Variants in NHLRC2 observed in about 807,000 individuals in gnomAD.
The protein encoded by NHLRC2 is NHL repeat-containing protein 2.
In NHLRC2, 33 loss-of-function variants were observed where a neutral mutation model predicts 68.1. The observed-to-expected ratio is 0.48, with a 90% CI of 0.37 to 0.65. The LOEUF (loss-of-function observed/expected upper bound fraction) is 0.65. Ranked by LOEUF, NHLRC2 falls within the 30% of genes least tolerant of loss-of-function variation. The pLI is 0.00. For synonymous variants in NHLRC2, 311 were observed against 309.6 expected (o/e 1.00, Z -0.05); for missense variants, 761 against 853.8 (o/e 0.89, Z 1.35).
At chr10:113,862,319 T>G (rs897830587) in intron 2 of NHLRC2, among the ~76,000 whole-genome samples, 1 of 152,144 alleles carries the variant, frequency 6.6e-6, no homozygotes, top group Admixed American at 6.5e-5. Flanking sequence ...AGCAGAGTTT[T>G]TGTGTGTTAT....
chr10:113,876,206 T>A (rs1171029468), intron 2 of NHLRC2, among the ~76,000 whole-genome samples: 1 of 151,698 alleles, frequency 6.6e-6, no homozygotes, highest in Non-Finnish European at 1.5e-5. Context: ...TGGAAAAAAT[T>A]TCAACATTTA....
At chr10:113,888,293 A>T (rs953505386) in intron 5 of NHLRC2, among the ~76,000 whole-genome samples, 3 of 152,200 alleles carry the variant, frequency 2.0e-5, no homozygotes, top group Non-Finnish European at 4.4e-5. Flanking sequence ...CACAGCTGCT[A>T]AAAGAATAAA....
At chr10:113,873,151 C>T (rs1048074842) in intron 2 of NHLRC2, among the ~76,000 whole-genome samples, 3 of 152,124 alleles carry the variant, frequency 2.0e-5, no homozygotes, top group Admixed American at 2.0e-4. Context: ...TGAGTGTAAA[C>T]CATAAACCAA....
rs878878256 is a variant in NHLRC2, at chr10:113,908,659, C to T, written c.*123C>T. On this transcript the variant is annotated 3_prime_UTR_variant, in exon 11 of 11. Transcript: ENST00000369301. ...ATACCAAGATGCCCATTGCTCAGTT[C>T]AGACAACTGATATTAAAATAAAGCT... 3.8e-5 allele frequency: 30 copies of T among 794,520 alleles called. 1 individual carries two copies. In the South Asian group the frequency reaches 4.1e-4, roughly 11 times the overall value. The allele number at this position is 794,520 out of a possible 1,614,324, so 49.2% of individuals were successfully genotyped here.
In NHLRC2 at chr10:113,915,590, T is replaced by C. The variant is rs1447649558; in HGVS notation, c.*7054T>C. 6 of 241,822 alleles carry C rather than the reference T, an allele frequency of 2.5e-5. No homozygotes were observed. The highest frequency in any genetic ancestry group is 4.9e-5 in the Non-Finnish European group (6 of 123,140). The allele number at this position is 241,822 out of a possible 1,614,324, so 15.0% of individuals were successfully genotyped here. On this transcript the variant is annotated 3_prime_UTR_variant, in exon 11 of 11. Coordinates refer to ENST00000369301, the MANE Select transcript of NHLRC2 (RefSeq NM_198514.4). ...ATGCTGAGAAGTAGACAAAATCAGCTCTCAGACTTAACTCTCCCCAATTAA... is the reference window on the plus strand; with the variant it reads ...ATGCTGAGAAGTAGACAAAATCAGCCCTCAGACTTAACTCTCCCCAATTAA...
intron 6 of NHLRC2, among the ~76,000 whole-genome samples, chr10:113,898,702 A>T (rs969610006): frequency 6.6e-6 from 1 of 152,170 alleles, no homozygotes; most frequent in African/African-American, 2.4e-5. Flanking sequence ...CATTCATTCA[A>T]ACAGTTGAAT....
At position 113,911,780 on chromosome 10, in the gene NHLRC2, G is replaced by T. The variant is rs61865203; in HGVS notation, c.*3244G>T. On this transcript the variant is annotated 3_prime_UTR_variant, in exon 11 of 11. Coordinates refer to ENST00000369301, the MANE Select transcript of NHLRC2 (RefSeq NM_198514.4). ...CATCAAAATCTACTTAAATTCTATA[G>T]TTAACAGTTACATAAGAATATATGC... 100 of 152,172 alleles carry T rather than the reference G, an allele frequency of 6.6e-4. No homozygotes were observed. Among genetic ancestry groups the T allele is most frequent in the Non-Finnish European group, 1.3e-3 (88 of 67,964 alleles). The allele number at this position is 152,172 out of a possible 1,614,324, so 9.4% of individuals were successfully genotyped here. A position where few individuals can be genotyped will look rare whatever the true frequency, so the allele number is the denominator to read the frequency against.
chr10:113,855,115 T>A, intron 1 of NHLRC2, 65 bp downstream of exon 1: 1 of 1,399,124 alleles, frequency 7.1e-7, no homozygotes, highest in Non-Finnish European at 9.9e-7. Context: ...GACGGCGCCC[T>A]CCCGCGAAGC....
intron 8 of NHLRC2, 144 bp downstream of exon 8, chr10:113,902,737 G>C: frequency 2.8e-6 from 2 of 705,356 alleles, no homozygotes; most frequent in Non-Finnish European, 4.8e-6. Context: ...AGCCTGTTCT[G>C]CTCTTTTCTT....
intron 2 of NHLRC2, among the ~76,000 whole-genome samples, chr10:113,870,697 G>A (rs920457211): frequency 6.6e-6 from 1 of 152,150 alleles, no homozygotes; most frequent in Non-Finnish European, 1.5e-5. Flanking sequence ...ATGTAGTTTC[G>A]TTAGGTATTG....
rs1257850375 is a variant in NHLRC2, at chr10:113,911,691, TATTA to T, written c.*3159_*3162del. On this transcript the variant is annotated 3_prime_UTR_variant, in exon 11 of 11. Coordinates refer to ENST00000369301, the MANE Select transcript of NHLRC2 (RefSeq NM_198514.4). ...AGTTTTCTGCCTGCACAAAGTTTAC[TATTA>T]ATTTATGTCTACCAGTTAAAAATAC... 5 of 152,198 alleles carry T rather than the reference TATTA, an allele frequency of 3.3e-5. No homozygotes were observed. The highest frequency in any genetic ancestry group is 4.8e-5 in the African/African-American group (2 of 41,478). 9.4% of individuals were successfully genotyped at this position (152,198 alleles called of 1,614,324 possible). A position where few individuals can be genotyped will look rare whatever the true frequency, so the allele number is the denominator to read the frequency against.
chr10:113,892,009 G>T (rs139123947), intron 5 of NHLRC2, among the ~76,000 whole-genome samples: 9 of 152,222 alleles, frequency 5.9e-5, no homozygotes, highest in African/African-American at 2.2e-4. Context: ...AGCTGTAAAT[G>T]GTATTTTCCT....
At chr10:113,887,393 C>A (rs775311475) in intron 5 of NHLRC2, among the ~76,000 whole-genome samples, 2 of 152,130 alleles carry the variant, frequency 1.3e-5, no homozygotes, top group Non-Finnish European at 2.9e-5. Context: ...ATTTGCACTC[C>A]CATATTTATT....
At chr10:113,885,310 A>G (rs558862827) in intron 5 of NHLRC2, among the ~76,000 whole-genome samples, 2 of 152,072 alleles carry the variant, frequency 1.3e-5, no homozygotes, top group Admixed American at 1.3e-4. Context: ...TATTTTGTGT[A>G]GGTTATTTTT....
chr10:113,863,033 G>A (rs958592707), intron 2 of NHLRC2, among the ~76,000 whole-genome samples: 2 of 152,034 alleles, frequency 1.3e-5, no homozygotes, highest in Non-Finnish European at 2.9e-5. Context: ...ATTATAAACA[G>A]GCACTTAATA....
Position 113,886,645 on chromosome 10 carries a change from G to T in NHLRC2, c.1039+2265G>T, listed in dbSNP as rs368182165. Among the ~76,000 whole-genome samples the T allele has an allele frequency of 2.2e-4, 34 of 152,250 alleles. No individual in the cohort carries two copies. The East Asian group carries it at 4.6e-3, about 21-fold the overall frequency. On this transcript the variant is annotated intron_variant, in intron 5 of 10. Coordinates refer to ENST00000369301, the MANE Select transcript of NHLRC2 (RefSeq NM_198514.4). ...ACACACAATGAGGAAAGGACAATTCGTTCCATAAATGGTGTTGGGAAAACT... is the reference window on the plus strand; with the variant it reads ...ACACACAATGAGGAAAGGACAATTCTTTCCATAAATGGTGTTGGGAAAACT...
chr10:113,884,124 T>G, intron 4 of NHLRC2, 127 bp from the exon 5 acceptor site: 1 of 709,280 alleles, frequency 1.4e-6, no homozygotes, highest in East Asian at 2.9e-5. Flanking sequence ...TGGCCTTTTT[T>G]CATAATAAAA....
At chr10:113,879,471 AT>A (rs1321057758) in intron 3 of NHLRC2, 102 bp from the exon 4 acceptor site, 5 of 1,058,702 alleles carry the variant, frequency 4.7e-6, no homozygotes, top group Non-Finnish European at 5.5e-6. Context: ...TGGACATACC[AT>A]TTTTTTATAT....
intron 2 of NHLRC2, among the ~76,000 whole-genome samples, 167 bp from the exon 3 acceptor site, chr10:113,876,353 GT>G (rs1022279971): frequency 1.1e-4 from 16 of 151,762 alleles, no homozygotes; most frequent in African/African-American, 3.9e-4. Flanking sequence ...AAATTTGTTA[GT>G]TTTTTATGTG....
Sources: allele counts gnomAD v4.1 joint callset (sites outside exome capture counted in the v4.1 genomes callset), GRCh38; gene constraint gnomAD v4.1.1; transcripts MANE v1.5; gene names NCBI Gene and HGNC (gene_info 2026-07-23, HGNC 2026-07-21).